Variants in BRI3BP observed in about 807,000 individuals in gnomAD.
BRI3BP encodes the protein BRI3-binding protein.
BRI3BP carries 7 observed loss-of-function variants against 15.8 expected under a neutral mutation model. The ratio of observed to expected loss-of-function variants is 0.44; its 90% CI spans 0.25 to 0.83. The LOEUF (loss-of-function observed/expected upper bound fraction) is 0.83, where lower values mean the gene tolerates loss of function less well. Ranked by LOEUF, BRI3BP falls within the 40% of genes least tolerant of loss-of-function variation. The pLI, the probability that BRI3BP is intolerant of heterozygous loss-of-function variation, is 0.20. For synonymous variants in BRI3BP, 192 were observed against 163.5 expected (o/e 1.17, Z -1.33); for missense variants, 320 against 339.3 (o/e 0.94, Z 0.45).
intron 2 of BRI3BP, among the ~76,000 whole-genome samples, chr12:125,022,099 AAAG>A (rs1955304109): frequency 6.7e-6 from 1 of 149,362 alleles, no homozygotes; most frequent in East Asian, 1.9e-4. Context: ...AAAAAAAAAA[AAAG>A]ACCACAGATT....
chr12:125,041,782 G>A, the BRI3BP span, among the ~76,000 whole-genome samples: 1 of 152,150 alleles, frequency 6.6e-6, no homozygotes, highest in Admixed American at 6.6e-5. Flanking sequence ...CTGTGGCTTC[G>A]ACTTCTTGGG....
intron 1 of BRI3BP, among the ~76,000 whole-genome samples, chr12:124,996,012 C>T (rs1955037646): frequency 6.6e-6 from 1 of 152,140 alleles, no homozygotes; most frequent in South Asian, 2.1e-4. Context: ...CTCCCAGGTT[C>T]AAGCGATCTT....
downstream of BRI3BP, among the ~76,000 whole-genome samples, chr12:125,032,998 A>G (rs1955417830): frequency 6.6e-6 from 1 of 152,046 alleles, no homozygotes; most frequent in Non-Finnish European, 1.5e-5. Flanking sequence ...ACCATCTCCC[A>G]CTGCCCCTTC....
At chr12:125,001,496 C>A (rs12424916) in intron 1 of BRI3BP, among the ~76,000 whole-genome samples, 9,181 of 152,144 alleles carry the variant, frequency 0.06, 411 homozygotes, top group Admixed American at 0.14. Context: ...AGTAGCTGGG[C>A]TTACAAGCAT....
At chr12:124,998,101 G>C (rs1032818828) in intron 1 of BRI3BP, among the ~76,000 whole-genome samples, 3 of 141,350 alleles carry the variant, frequency 2.1e-5, no homozygotes, top group Non-Finnish European at 4.5e-5. Flanking sequence ...GCGCCAGCCT[G>C]GGCAACGAGT....
At position 125,027,355 on chromosome 12, in the gene BRI3BP, A is replaced by C. The variant is rs542340365; in HGVS notation, c.*1925A>C. 3.3e-5 allele frequency: 5 copies of C among 152,026 alleles called. No individual in the cohort carries two copies. Among genetic ancestry groups the C allele is most frequent in the Admixed American group, 6.6e-5 (1 of 15,266 alleles). The allele number at this position is 152,026 out of a possible 1,614,324, so 9.4% of individuals were successfully genotyped here. ...ACCTGTTTCAGGTGCATGTTTATTC[A>C]GTGTGCATGGATATTTAAGATTTGC... On this transcript the variant is annotated 3_prime_UTR_variant, in exon 3 of 3. Transcript: ENST00000341446.
At chr12:125,012,937 G>T (rs977228386) in intron 2 of BRI3BP, among the ~76,000 whole-genome samples, 2 of 151,986 alleles carry the variant, frequency 1.3e-5, no homozygotes, top group African/African-American at 4.8e-5. Flanking sequence ...CAAAAAAATT[G>T]CTGGGTGCAG....
intron 2 of BRI3BP, among the ~76,000 whole-genome samples, chr12:125,024,500 G>A (rs771312981): frequency 2.6e-5 from 4 of 152,094 alleles, no homozygotes; most frequent in Non-Finnish European, 5.9e-5. Context: ...ATGGCAGGTC[G>A]TCTTAAAGGG....
intron 1 of BRI3BP, among the ~76,000 whole-genome samples, chr12:125,008,514 G>A (rs886275699): frequency 1.3e-5 from 2 of 151,596 alleles, no homozygotes; most frequent in African/African-American, 2.4e-5. Flanking sequence ...GGGTTTCACC[G>A]TGTTAGCCAG....
intron 1 of BRI3BP, among the ~76,000 whole-genome samples, chr12:125,003,177 G>A (rs193184810): frequency 6.6e-6 from 1 of 152,308 alleles, no homozygotes; most frequent in East Asian, 1.9e-4. Context: ...ATTTTCCATA[G>A]GACCCGTTTG....
At chr12:125,003,422 A>C (rs1955113919) in intron 1 of BRI3BP, among the ~76,000 whole-genome samples, 1 of 152,046 alleles carries the variant, frequency 6.6e-6, no homozygotes, top group Non-Finnish European at 1.5e-5. Flanking sequence ...TGGTCCCCTT[A>C]TTTCAACTTT....
At chr12:125,032,134 C>A (rs1393734983), downstream of BRI3BP, among the ~76,000 whole-genome samples, 1 of 152,066 alleles carries the variant, frequency 6.6e-6, no homozygotes, top group Non-Finnish European at 1.5e-5. Context: ...TGAGGAGGGG[C>A]AGCTCATTTG....
intron 2 of BRI3BP, among the ~76,000 whole-genome samples, chr12:125,017,231 C>T (rs1955254869): frequency 6.6e-6 from 1 of 151,262 alleles, no homozygotes; most frequent in Admixed American, 6.6e-5. Context: ...ACCATCTTGG[C>T]CAGGGTATTC....
At chr12:125,049,640 G>A in the BRI3BP span, among the ~76,000 whole-genome samples, 1 of 152,220 alleles carries the variant, frequency 6.6e-6, no homozygotes, top group Non-Finnish European at 1.5e-5. Context: ...CCATTGCTAA[G>A]CTCCGATTGG....
chr12:125,047,548 G>C, the BRI3BP span, among the ~76,000 whole-genome samples: 1 of 151,486 alleles, frequency 6.6e-6, no homozygotes, highest in African/African-American at 2.4e-5. Context: ...GGTGCAGTCA[G>C]TATTTTTAGT....
At chr12:125,049,955 C>T in the BRI3BP span, among the ~76,000 whole-genome samples, 1 of 152,188 alleles carries the variant, frequency 6.6e-6, no homozygotes, top group Non-Finnish European at 1.5e-5. Flanking sequence ...CGTGTGCTGG[C>T]AGATGGAGGA....
chr12:125,006,774 G>A (rs1955147897), intron 1 of BRI3BP, among the ~76,000 whole-genome samples: 1 of 152,228 alleles, frequency 6.6e-6, no homozygotes, highest in South Asian at 2.1e-4. Context: ...GTGTGAGCAG[G>A]AAAGTCTCTT....
At chr12:124,998,227 C>T (rs920759841) in intron 1 of BRI3BP, among the ~76,000 whole-genome samples, 5 of 151,956 alleles carry the variant, frequency 3.3e-5, no homozygotes, top group East Asian at 1.9e-4. Context: ...GGGAGGCTGA[C>T]GTTGCGGTGA....
chr12:125,000,581 G>T (rs137957260), intron 1 of BRI3BP, among the ~76,000 whole-genome samples: 1 of 152,006 alleles, frequency 6.6e-6, no homozygotes, highest in Non-Finnish European at 1.5e-5. Flanking sequence ...CAAAGTGCTG[G>T]GATTACAGGC....
Sources: allele counts gnomAD v4.1 joint callset (sites outside exome capture counted in the v4.1 genomes callset), GRCh38; gene constraint gnomAD v4.1.1; transcripts MANE v1.5; gene names NCBI Gene and HGNC (gene_info 2026-07-23, HGNC 2026-07-21).